GABBR2: variants seen among roughly 807,000 people sequenced by gnomAD.
GABBR2 encodes the protein gamma-aminobutyric acid type B receptor subunit 2, also known as G-protein coupled receptor 51.
In GABBR2, 23 loss-of-function variants were observed where a neutral mutation model predicts 105.6. The observed-to-expected ratio is 0.22, with a 90% confidence interval of 0.16 to 0.31. GABBR2 has a LOEUF of 0.31. Ranked by LOEUF, GABBR2 falls within the 10% of genes least tolerant of loss-of-function variation. GABBR2 has a pLI of 1.00. For synonymous variants in GABBR2, 478 were observed against 499.7 expected, an observed-to-expected ratio of 0.96 and a Z score of 0.58; for missense variants, 734 against 1,245.5, an observed-to-expected ratio of 0.59 and a Z score of 6.18.
chr9:98,424,596 C>T (rs201917689), intron 7 of GABBR2, among the ~76,000 whole-genome samples: 5,752 of 151,016 alleles, frequency 0.038, 207 homozygotes, highest in East Asian at 0.19. Flanking sequence ...TTGTCTCAGC[C>T]CAAAATCTCC....
chr9:98,651,925 A>G (rs188002387), intron 1 of GABBR2, among the ~76,000 whole-genome samples: 74 of 152,316 alleles, frequency 4.9e-4, no homozygotes, highest in African/African-American at 1.6e-3. Flanking sequence ...AAGAGTACTT[A>G]TCTTTCAGAC....
chr9:98,458,078 T>C (rs73505022), intron 6 of GABBR2, among the ~76,000 whole-genome samples: 2,497 of 152,338 alleles, frequency 0.016, 31 homozygotes, highest in Middle Eastern at 0.034. Context: ...CACTATGTTA[T>C]AAATAGTGGT....
chr9:98,603,241 G>A (rs1253503931), intron 1 of GABBR2, among the ~76,000 whole-genome samples: 1 of 152,080 alleles, frequency 6.6e-6, no homozygotes, highest in Non-Finnish European at 1.5e-5. Flanking sequence ...GATCCCCAAA[G>A]GCTGGAAATC....
At chr9:98,399,705 A>G (rs905204832) in intron 8 of GABBR2, among the ~76,000 whole-genome samples, 1 of 149,446 alleles carries the variant, frequency 6.7e-6, no homozygotes, top group South Asian at 2.1e-4. Flanking sequence ...AAAAGGGTTT[A>G]TCTACATCAA....
At chr9:98,686,733 C>G (rs1486160005) in intron 1 of GABBR2, among the ~76,000 whole-genome samples, 1 of 152,152 alleles carries the variant, frequency 6.6e-6, no homozygotes, top group Non-Finnish European at 1.5e-5. Context: ...CTGTCTGGCT[C>G]CGGTTTTCTT....
chr9:98,516,893 C>G (rs1253985949), intron 3 of GABBR2, among the ~76,000 whole-genome samples: 1 of 152,262 alleles, frequency 6.6e-6, no homozygotes, highest in African/African-American at 2.4e-5. Flanking sequence ...TGGGCCCCAA[C>G]AGAGCGATTC....
intron 5 of GABBR2, among the ~76,000 whole-genome samples, chr9:98,476,022 C>A (rs573710464): frequency 6.6e-5 from 10 of 152,308 alleles, no homozygotes; most frequent in Non-Finnish European, 1.3e-4. Flanking sequence ...TGAGATCACA[C>A]CCCCGTACTC....
At chr9:98,407,593 A>G (rs1264221903) in intron 7 of GABBR2, among the ~76,000 whole-genome samples, 2 of 152,226 alleles carry the variant, frequency 1.3e-5, no homozygotes, top group African/African-American at 4.8e-5. Context: ...TAAATGGACC[A>G]CTTTGCCTGA....
At chr9:98,420,014 C>T (rs950709251) in intron 7 of GABBR2, among the ~76,000 whole-genome samples, 6 of 152,036 alleles carry the variant, frequency 3.9e-5, no homozygotes, top group African/African-American at 1.2e-4. Context: ...TCAGGTTGTA[C>T]GTAAGATGCT....
intron 1 of GABBR2, among the ~76,000 whole-genome samples, chr9:98,599,498 A>G (rs1829287409): frequency 6.6e-6 from 1 of 152,216 alleles, no homozygotes; most frequent in African/African-American, 2.4e-5. Context: ...CCTCTCAAGA[A>G]ACCAGGGGAA....
intron 13 of GABBR2, among the ~76,000 whole-genome samples, chr9:98,334,773 T>G (rs1042133496): frequency 2.0e-5 from 3 of 152,204 alleles, no homozygotes; most frequent in African/African-American, 7.2e-5. Flanking sequence ...CAGAGCATCT[T>G]TGGGGCATGT....
intron 4 of GABBR2, among the ~76,000 whole-genome samples, chr9:98,489,044 GTC>G (rs770628474): frequency 2.0e-5 from 3 of 152,218 alleles, no homozygotes; most frequent in Non-Finnish European, 4.4e-5. Flanking sequence ...AGGCCATATA[GTC>G]TCTGTTGCAA....
chr9:98,703,583 C>T (rs1381609658), intron 1 of GABBR2, among the ~76,000 whole-genome samples: 2 of 152,112 alleles, frequency 1.3e-5, no homozygotes, highest in African/African-American at 2.4e-5. Flanking sequence ...GCCTTTACCT[C>T]CTAGGCTCTA....
At chr9:98,434,285 C>A (rs1588158927) in intron 7 of GABBR2, among the ~76,000 whole-genome samples, 1 of 152,160 alleles carries the variant, frequency 6.6e-6, no homozygotes, top group South Asian at 2.1e-4. Context: ...ACCTTTTGAT[C>A]ATATGAGTCA....
chr9:98,447,987 G>T (rs935667650), intron 7 of GABBR2, among the ~76,000 whole-genome samples: 1 of 152,068 alleles, frequency 6.6e-6, no homozygotes, highest in African/African-American at 2.4e-5. Flanking sequence ...ATCGCCATCT[G>T]CTGTTCTTCA....
At chr9:98,498,416 A>G (rs1269248861) in intron 3 of GABBR2, among the ~76,000 whole-genome samples, 1 of 152,226 alleles carries the variant, frequency 6.6e-6, no homozygotes, top group Non-Finnish European at 1.5e-5. Context: ...ATAAAAAAGA[A>G]CTTCTTATTT....
At chr9:98,647,095 G>A (rs1284212164) in intron 1 of GABBR2, among the ~76,000 whole-genome samples, 1 of 152,156 alleles carries the variant, frequency 6.6e-6, no homozygotes, top group African/African-American at 2.4e-5. Flanking sequence ...ATTAGGGTAC[G>A]CTTCTAAATA....
Position 98,406,141 on chromosome 9 carries a change from C to A in GABBR2, c.1237G>T (p.Gly413Cys). The change falls in exon 8 of 19, where the codon GGT becomes TGT. Residue 413 changes from glycine to cysteine, a missense_variant and splice_region_variant. By Grantham distance (159) the Gly-to-Cys change is radical (BLOSUM62 -3). Transcript: ENST00000259455. ...TCCCCATTCCGGAATACAACTTGAC[C>A]CTAAAAACAAAACAAAACAAATCAA... The part of the protein sequence containing the change: ...MNETNFFGVT[G>C]QVVFRNGERM... 6.4e-7 allele frequency: 1 copy of A among 1,568,446 alleles called. No individual in the cohort carries two copies. The highest frequency in any genetic ancestry group is 1.2e-5 in the South Asian group (1 of 85,194).
rs188538271 is a variant in GABBR2 at position 98,706,019 on chromosome 9, T to A, written c.321+2398A>T. The stretch of plus-strand genomic sequence containing the variant: ...TGACCCTGGGAGGTGGAGGTTGCGG[T>A]GAGCCAAGATCACGCCAATGCACTC... On this transcript the variant is annotated intron_variant, in intron 1 of 18. Transcript: ENST00000259455. Among the ~76,000 whole-genome samples, 5 of 150,534 alleles carry A rather than the reference T, an allele frequency of 3.3e-5. No individual in the cohort carries two copies. The East Asian group carries it at 9.8e-4, about 30-fold the overall frequency.
Sources: allele counts gnomAD v4.1 joint callset (sites outside exome capture counted in the v4.1 genomes callset), GRCh38; gene constraint gnomAD v4.1.1; transcripts MANE v1.5; gene names NCBI Gene and HGNC (gene_info 2026-07-23, HGNC 2026-07-21).